MVK: variants seen among roughly 807,000 people sequenced by gnomAD.
MVK encodes mevalonate kinase.
In MVK, 34 loss-of-function variants were observed where a neutral mutation model predicts 43.2. The observed-to-expected ratio is 0.79, with a 90% CI of 0.60 to 1.05. The LOEUF (loss-of-function observed/expected upper bound fraction) is 1.05, where lower values mean the gene tolerates loss of function less well. Among genes scored for constraint, MVK ranks in the 50% least tolerant of loss-of-function variants. The pLI is 0.00. For missense variants in MVK, 395 were observed against 504.0 expected (o/e 0.78, Z 2.07); for synonymous variants, 190 against 219.8 (o/e 0.86, Z 1.20).
intron 7 of MVK, chr12:109,587,195 T>G (rs1038460291): frequency 3.5e-6 from 1 of 285,338 alleles, no homozygotes; most frequent in South Asian, 3.6e-5. Context: ...TCAGTCTGCT[T>G]GTGGGGGTGG....
chr12:109,589,382 C>G (rs1047910185), intron 7 of MVK: 1 of 152,230 alleles, frequency 6.6e-6, no homozygotes, highest in African/African-American at 2.4e-5. Context: ...CACAGAGAAG[C>G]TGGGGGCCAG....
chr12:109,579,084 C>T, intron 3 of MVK: 1 of 333,978 alleles, frequency 3.0e-6, no homozygotes, highest in Non-Finnish European at 5.9e-6. Context: ...GCGATTGAGC[C>T]AGCATTCTCT....
intron 7 of MVK, chr12:109,587,187 AG>A (rs2136238778): frequency 3.4e-6 from 1 of 295,196 alleles, no homozygotes; most frequent in African/African-American, 2.2e-5. Context: ...AAGGACTCTC[AG>A]TCTGCTTGTG....
intron 5 of MVK, among the ~76,000 whole-genome samples, chr12:109,585,253 G>A (rs1006217419): frequency 6.6e-6 from 1 of 152,184 alleles, no homozygotes; most frequent in Non-Finnish European, 1.5e-5. Context: ...TACTTGCAGG[G>A]CCCTGGGAAA....
chr12:109,579,376 G>A (rs1234852212), intron 3 of MVK: 2 of 352,746 alleles, frequency 5.7e-6, no homozygotes, highest in East Asian at 7.5e-5. Flanking sequence ...CTAGGCACAA[G>A]TGATCTGCCC....
intron 5 of MVK, among the ~76,000 whole-genome samples, chr12:109,584,109 C>T (rs1447551377): frequency 6.6e-6 from 1 of 152,222 alleles, no homozygotes; most frequent in Non-Finnish European, 1.5e-5. Flanking sequence ...CTGTAAGAAA[C>T]AGGATAATTA....
chr12:109,581,210 C>G (rs1321486762), intron 4 of MVK, among the ~76,000 whole-genome samples, 185 bp from the exon 5 acceptor site: 2 of 152,188 alleles, frequency 1.3e-5, no homozygotes, highest in Non-Finnish European at 2.9e-5. Flanking sequence ...TACCTGTTTT[C>G]TAGTTGTCTG....
At chr12:109,582,215 C>T (rs1287661251) in intron 5 of MVK, among the ~76,000 whole-genome samples, 1 of 152,188 alleles carries the variant, frequency 6.6e-6, no homozygotes, top group Admixed American at 6.5e-5. Context: ...CGCAGTTTGT[C>T]CCAGGACCAG....
intron 10 of MVK, 147 bp from the exon 11 acceptor site, chr12:109,596,279 G>A: frequency 8.5e-7 from 1 of 1,170,550 alleles, no homozygotes; most frequent in Non-Finnish European, 1.2e-6. Flanking sequence ...GGGGCTGCAG[G>A]TAACCTTGGG....
At position 109,586,014 on chromosome 12, in the gene MVK, G is replaced by A. The variant is rs778152406; in HGVS notation, c.528-8G>A. Reference sequence around the variant, plus strand: ...TGCCACAGTAAAGATGAACATCTGTGTCTTCAGGTGGACCAAGGAGGATTT... The same window carrying A: ...TGCCACAGTAAAGATGAACATCTGTATCTTCAGGTGGACCAAGGAGGATTT... On this transcript the variant is annotated splice_region_variant and splice_polypyrimidine_tract_variant and intron_variant, in intron 5 of 10. Transcript: ENST00000228510. 1 of 1,610,598 alleles carries A rather than the reference G, an allele frequency of 6.2e-7. No individual in the cohort carries two copies. Among genetic ancestry groups the A allele is most frequent in the Non-Finnish European group, 8.5e-7 (1 of 1,176,766 alleles).
upstream of MVK, chr12:109,573,790 G>A (rs964531141): frequency 5.0e-6 from 2 of 402,530 alleles, no homozygotes; most frequent in East Asian, 5.4e-5. Context: ...CTTGAGGCAC[G>A]GGCGCTCTGG....
chr12:109,590,532 G>A (rs1334196384), intron 7 of MVK: 1 of 573,540 alleles, frequency 1.7e-6, no homozygotes, highest in Non-Finnish European at 3.2e-6. Flanking sequence ...GGTCCCAGTT[G>A]AAGTTGAATG....
intron 5 of MVK, among the ~76,000 whole-genome samples, chr12:109,582,585 CCT>C (rs1462805984): frequency 6.6e-6 from 1 of 152,082 alleles, no homozygotes; most frequent in African/African-American, 2.4e-5. Flanking sequence ...TTCTCAGAAC[CCT>C]TAGGGAGAGT....
rs1212013021 is a variant in MVK at position 109,595,566 on chromosome 12, A to T, written c.1039+385A>T. On this transcript the variant is annotated intron_variant, in intron 10 of 10. Transcript: ENST00000228510. The surrounding 1 kb of genome is among the most constrained non-coding windows in gnomAD (Gnocchi z 5.9). ...TGGTCAGGATGCGGTTGATTTTGCT[A>T]CAAAACGAAAGGGTTTCCTTCCCGT... 6.6e-6 allele frequency among the ~76,000 whole-genome samples: 1 copy of T among 152,126 alleles called. No individual in the cohort carries two copies. Among genetic ancestry groups the T allele is most frequent in the South Asian group, 2.1e-4 (1 of 4,826 alleles).
At chr12:109,573,773 T>C, upstream of MVK, 1 of 457,498 alleles carries the variant, frequency 2.2e-6, no homozygotes, top group Non-Finnish European at 4.0e-6. Context: ...GTACAACGCC[T>C]CCTCCCCTTG....
chr12:109,590,315 G>A (rs886252818), intron 7 of MVK: 21 of 308,466 alleles, frequency 6.8e-5, no homozygotes, highest in African/African-American at 1.7e-4. Context: ...TTTCTCACTG[G>A]ATGACTGTGC....
intron 4 of MVK, 76 bp from the exon 5 acceptor site, chr12:109,581,319 G>T: frequency 6.3e-7 from 1 of 1,592,336 alleles, no homozygotes; most frequent in Non-Finnish European, 8.6e-7. Flanking sequence ...GTCAGGCCTG[G>T]GCCTGGCCCC....
rs191229416 is a variant in MVK, at chr12:109,598,039, G to C, written c.*1462G>C. On this transcript the variant is annotated 3_prime_UTR_variant, in exon 11 of 11. Transcript: ENST00000228510. The stretch of plus-strand genomic sequence containing the variant: ...TACCCCAGCTTAACTTGTAGAAATG[G>C]CCCCAGATCACTGATGGCTGTTCCC... 2 of 152,364 alleles carry C rather than the reference G, an allele frequency of 1.3e-5. No homozygotes were observed. Among genetic ancestry groups the C allele is most frequent in the African/African-American group, 4.8e-5 (2 of 41,562 alleles). The allele number at this position is 152,364 out of a possible 1,614,324, so 9.4% of individuals were successfully genotyped here.
Position 109,595,744 on chromosome 12 carries a change from G to T in MVK, c.1039+563G>T, listed in dbSNP as rs538404262. Among the ~76,000 whole-genome samples the T allele has an allele frequency of 2.0e-5, 3 of 152,078 alleles. No homozygotes were observed. Among genetic ancestry groups the T allele is most frequent in the African/African-American group, 4.8e-5 (2 of 41,406 alleles). Reference sequence around the variant, plus strand: ...TCCTGGCCTACAGTAGGCACTAACCGGTCCCACCTGCCTCCATTTCCCTCT... The same window carrying T: ...TCCTGGCCTACAGTAGGCACTAACCTGTCCCACCTGCCTCCATTTCCCTCT... On this transcript the variant is annotated intron_variant, in intron 10 of 10. Coordinates refer to ENST00000228510, the MANE Select transcript of MVK (RefSeq NM_000431.4). This position sits in a 1 kb window ranked among gnomAD's most constrained non-coding sequence, Gnocchi z 5.9.
Sources: allele counts gnomAD v4.1 joint callset (sites outside exome capture counted in the v4.1 genomes callset), GRCh38; gene constraint gnomAD v4.1.1; non-coding constraint Gnocchi (gnomAD v3.1); transcripts MANE v1.5; gene names NCBI Gene and HGNC (gene_info 2026-07-23, HGNC 2026-07-21).